Variants in ACTL6A observed in about 807,000 individuals in gnomAD.
ACTL6A encodes actin-like protein 6A.
ACTL6A carries 5 observed loss-of-function variants against 59.2 expected under a neutral mutation model. The observed-to-expected ratio is 0.08, with a 90% CI of 0.04 to 0.18. The LOEUF (loss-of-function observed/expected upper bound fraction) is 0.18, where lower values mean the gene tolerates loss of function less well. Ranked by LOEUF, ACTL6A falls within the 10% of genes least tolerant of loss-of-function variation. The probability of loss-of-function intolerance (pLI) is 1.00; values close to 1 mark genes in which losing one functional copy is unlikely to be tolerated. For missense variants in ACTL6A, 285 were observed against 526.9 expected, an observed-to-expected ratio of 0.54 and a Z score of 4.49; for synonymous variants, 154 against 171.8, an observed-to-expected ratio of 0.90 and a Z score of 0.81.
chr3:179,571,086 A>G (rs1166671503), intron 3 of ACTL6A, among the ~76,000 whole-genome samples: 12 of 152,076 alleles, frequency 7.9e-5, no homozygotes, highest in Admixed American at 7.9e-4. Flanking sequence ...GCATTGAGAT[A>G]GGAATATAAA....
intron 3 of ACTL6A, among the ~76,000 whole-genome samples, chr3:179,571,143 G>A (rs962573207): frequency 2.0e-5 from 3 of 152,174 alleles, no homozygotes; most frequent in East Asian, 1.9e-4. Context: ...TTGGCCATGC[G>A]TGGTGGCTCG....
chr3:179,583,666 T>G (rs1718400052), intron 12 of ACTL6A: 6 of 389,992 alleles, frequency 1.5e-5, no homozygotes, highest in Non-Finnish European at 2.8e-5. Context: ...TATTTAAATA[T>G]GTATAGTCTG....
chr3:179,575,662 G>A (rs1718145593), intron 5 of ACTL6A, among the ~76,000 whole-genome samples: 1 of 152,168 alleles, frequency 6.6e-6, no homozygotes, highest in South Asian at 2.1e-4. Flanking sequence ...CTGCAGCACA[G>A]AACTGTGGAA....
intron 11 of ACTL6A, among the ~76,000 whole-genome samples, chr3:179,582,720 T>C (rs1718372512): frequency 6.6e-6 from 1 of 152,214 alleles, no homozygotes; most frequent in Non-Finnish European, 1.5e-5. Flanking sequence ...TAAGCATTCT[T>C]TTTCAAAATA....
At chr3:179,565,156 A>C (rs551905926) in intron 1 of ACTL6A, among the ~76,000 whole-genome samples, 1 of 152,152 alleles carries the variant, frequency 6.6e-6, no homozygotes, top group Non-Finnish European at 1.5e-5. Flanking sequence ...TGATAACAAT[A>C]TGTAGAAGGG....
intron 5 of ACTL6A, 42 bp downstream of exon 5, chr3:179,574,509 C>T (rs369040668): frequency 6.9e-6 from 9 of 1,296,030 alleles, no homozygotes; most frequent in East Asian, 4.6e-5. Flanking sequence ...GAAGTATGTA[C>T]GATACTAATG....
intron 3 of ACTL6A, among the ~76,000 whole-genome samples, chr3:179,572,567 G>A (rs530300981): frequency 7.2e-5 from 11 of 152,190 alleles, no homozygotes; most frequent in Non-Finnish European, 1.2e-4. Flanking sequence ...GCACTTTGGA[G>A]GCTGAGGTGG....
chr3:179,587,893 T>G (rs780389886), intron 13 of ACTL6A, 37 bp from the exon 14 acceptor site: 24 of 1,548,936 alleles, frequency 1.5e-5, no homozygotes, highest in Non-Finnish European at 2.6e-6. Context: ...TAGTAAGAAG[T>G]AAGGCATAAT....
chr3:179,580,881 A>C lies in ACTL6A; in HGVS notation c.831-13A>C, dbSNP rs12487892. ...TTTTGTCTTTTGTGTAATACGGTTT[A>C]ATATGTTTTCAGAGTGGCTGCACAG... On this transcript the variant is annotated splice_polypyrimidine_tract_variant and intron_variant, in intron 9 of 13. Transcript: ENST00000429709. 1,135 of 1,575,502 alleles carry C rather than the reference A, an allele frequency of 7.2e-4. 4 individuals carry two copies. In the African/African-American group the frequency reaches 0.014, roughly 19 times the overall value.
In ACTL6A at chr3:179,588,326, T is replaced by G. The variant is rs1159488747; in HGVS notation, c.*316T>G. 4 of 239,506 alleles carry G rather than the reference T, an allele frequency of 1.7e-5. No individual in the cohort carries two copies. The highest frequency in any genetic ancestry group is 3.2e-5 in the Non-Finnish European group (4 of 126,818). 14.8% of individuals were successfully genotyped at this position (239,506 alleles called of 1,614,324 possible). A position where few individuals can be genotyped will look rare whatever the true frequency, so the allele number is the denominator to read the frequency against. On this transcript the variant is annotated 3_prime_UTR_variant, in exon 14 of 14. Transcript: ENST00000429709. ...CCAGTGGATTGGTAGAACTGCTTTT[T>G]ATTGACTAGTAAAAGTTACTGCCTA... is the stretch of plus-strand genomic sequence containing the variant.
chr3:179,580,535 A>G (rs1321236229), intron 8 of ACTL6A, 105 bp from the exon 9 acceptor site: 1 of 783,914 alleles, frequency 1.3e-6, no homozygotes, highest in East Asian at 2.8e-5. Flanking sequence ...CCATCTAGAA[A>G]CATGGTCCAA....
intron 13 of ACTL6A, among the ~76,000 whole-genome samples, chr3:179,587,136 G>A (rs1049345176): frequency 9.2e-5 from 14 of 152,048 alleles, no homozygotes; most frequent in African/African-American, 3.4e-4. Context: ...CCTGGACTTA[G>A]AGCATTTCTC....
At chr3:179,566,566 T>G (rs1033933998) in intron 1 of ACTL6A, among the ~76,000 whole-genome samples, 2 of 152,212 alleles carry the variant, frequency 1.3e-5, no homozygotes, top group African/African-American at 2.4e-5. Context: ...TAGATCTAAG[T>G]GTCAGCAGAG....
intron 12 of ACTL6A, chr3:179,583,768 T>C: frequency 5.2e-6 from 1 of 190,490 alleles, no homozygotes; most frequent in South Asian, 9.8e-5. Context: ...AACAATTCAG[T>C]ATGTCATGAA....
chr3:179,576,452 G>T (rs756679524), intron 6 of ACTL6A, 141 bp downstream of exon 6: 1 of 771,660 alleles, frequency 1.3e-6, no homozygotes, highest in Non-Finnish European at 2.0e-6. Context: ...AAAATCTTTA[G>T]TATATAATGT....
chr3:179,579,517 G>A (rs927310620), intron 8 of ACTL6A, among the ~76,000 whole-genome samples: 16 of 149,918 alleles, frequency 1.1e-4, no homozygotes, highest in African/African-American at 3.5e-4. Flanking sequence ...GGCTGGGCAC[G>A]GTGGCTCATG....
chr3:179,566,237 TGA>T (rs760586395), intron 1 of ACTL6A, among the ~76,000 whole-genome samples: 9 of 151,774 alleles, frequency 5.9e-5, no homozygotes, highest in African/African-American at 1.9e-4. Flanking sequence ...GGTTAGAGCT[TGA>T]GAGAGAGAGA....
At chr3:179,579,498 G>A (rs1466006973) in intron 8 of ACTL6A, among the ~76,000 whole-genome samples, 1 of 127,896 alleles carries the variant, frequency 7.8e-6, no homozygotes, top group Non-Finnish European at 1.6e-5. Flanking sequence ...ACATTTTAAA[G>A]ACAGGGTTGG....
intron 5 of ACTL6A, chr3:179,575,146 A>G (rs1275929211): frequency 3.1e-6 from 1 of 321,744 alleles, no homozygotes. Context: ...CCCAGCCTCT[A>G]ATAATCTTTC....
Sources: gnomAD v4.1 joint callset for allele counts (sites outside exome capture counted in the v4.1 genomes callset) on GRCh38, gnomAD v4.1.1 for gene constraint, MANE v1.5 for transcripts, NCBI Gene and HGNC (gene_info 2026-07-23, HGNC 2026-07-21) for gene names.